Variants in CD44 observed in about 807,000 individuals in gnomAD.
CD44 encodes CD44 antigen.
A neutral mutation model predicts 88.8 loss-of-function variants in CD44; 49 were observed. The ratio of observed to expected loss-of-function variants is 0.55; its 90% CI spans 0.44 to 0.70. The LOEUF is 0.70. Among genes scored for constraint, CD44 ranks in the 30% least tolerant of loss-of-function variants. The probability of loss-of-function intolerance (pLI) is 0.00; values close to 1 mark genes in which losing one functional copy is unlikely to be tolerated. For missense variants in CD44, 883 were observed against 913.8 expected, an observed-to-expected ratio of 0.97 and a Z score of 0.43; for synonymous variants, 325 against 312.3, an observed-to-expected ratio of 1.04 and a Z score of -0.43.
rs938061756 is a variant in CD44 at position 35,204,726 on chromosome 11, A to T, written c.1282+86A>T. 2.5e-4 allele frequency: 307 copies of T among 1,217,244 alleles called. 1 individual carries two copies. Among genetic ancestry groups the T allele is most frequent in the African/African-American group, 1.5e-5 (1 of 65,826 alleles). The allele number at this position is 1,217,244 out of a possible 1,614,324, so 75.4% of individuals were successfully genotyped here. On this transcript the variant is annotated intron_variant, in intron 10 of 17. Coordinates refer to ENST00000428726, the MANE Select transcript of CD44 (RefSeq NM_000610.4). ...CATTGAGGACATTGAACAAAAGGAC[A>T]CTGGAGGAATTGTCACGAGATGTTA...
intron 1 of CD44, among the ~76,000 whole-genome samples, chr11:35,148,096 A>T (rs1565003935): frequency 6.6e-6 from 1 of 152,062 alleles, no homozygotes; most frequent in African/African-American, 2.4e-5. Flanking sequence ...GGTCTCAAAA[A>T]AAAAAAAGGT....
intron 15 of CD44, among the ~76,000 whole-genome samples, chr11:35,218,393 A>G (rs1949012238): frequency 6.6e-6 from 1 of 152,076 alleles, no homozygotes; most frequent in Non-Finnish European, 1.5e-5. Flanking sequence ...CAGAGGCACA[A>G]TCTCAGCTCA....
chr11:35,145,184 T>C (rs1858873363), intron 1 of CD44, among the ~76,000 whole-genome samples: 1 of 152,252 alleles, frequency 6.6e-6, no homozygotes, highest in East Asian at 1.9e-4. Flanking sequence ...TCTCCTGTCT[T>C]CTGCAGCACT....
At chr11:35,174,687 C>G in intron 1 of CD44, among the ~76,000 whole-genome samples, 1 of 152,214 alleles carries the variant, frequency 6.6e-6, no homozygotes, top group East Asian at 1.9e-4. Flanking sequence ...CTTTACCCAA[C>G]TGATAGCAGT....
At chr11:35,156,211 C>A (rs935450573) in intron 1 of CD44, among the ~76,000 whole-genome samples, 1 of 152,144 alleles carries the variant, frequency 6.6e-6, no homozygotes, top group African/African-American at 2.4e-5. Context: ...AGCATCTCAA[C>A]TTTTTAATGA....
At chr11:35,139,417 C>G in intron 1 of CD44, 47 bp downstream of exon 1, 2 of 1,514,210 alleles carry the variant, frequency 1.3e-6, no homozygotes, top group Non-Finnish European at 1.8e-6. Context: ...GCGGGGTGCT[C>G]AGCGCGGACC....
intron 6 of CD44, 93 bp downstream of exon 6, chr11:35,196,967 C>T (rs1946819899): frequency 1.5e-6 from 2 of 1,341,176 alleles, no homozygotes; most frequent in Non-Finnish European, 2.0e-6. Context: ...GCCTAACGTT[C>T]CTTCTATTCT....
intron 1 of CD44, among the ~76,000 whole-genome samples, chr11:35,159,794 C>G (rs1449876709): frequency 6.6e-6 from 1 of 152,164 alleles, no homozygotes; most frequent in Non-Finnish European, 1.5e-5. Flanking sequence ...TATGGTGGGG[C>G]TGGAATTCAA....
Position 35,171,169 on chromosome 11 carries a change from A to G in CD44, c.68-5406A>G, listed in dbSNP as rs547226497. Among the ~76,000 whole-genome samples the G allele has an allele frequency of 3.3e-5, 5 of 152,332 alleles. No homozygotes were observed. In the East Asian group the frequency reaches 9.6e-4, roughly 29 times the overall value. On this transcript the variant is annotated intron_variant, in intron 1 of 17. Coordinates refer to ENST00000428726, the MANE Select transcript of CD44 (RefSeq NM_000610.4). ...GGTAATAATTTGGGTTTGCGTTAGTATCAAGGAAACCTGATGAAATGTCTT... is the reference window on the plus strand; with the variant it reads ...GGTAATAATTTGGGTTTGCGTTAGTGTCAAGGAAACCTGATGAAATGTCTT...
chr11:35,179,377 T>C (rs540794538), intron 2 of CD44, among the ~76,000 whole-genome samples: 3 of 152,298 alleles, frequency 2.0e-5, no homozygotes, highest in Admixed American at 2.0e-4. Context: ...AGGCATTTTA[T>C]ATTCAAAAAA....
In CD44 at chr11:35,198,112, C is replaced by T. The variant is rs773617820; in HGVS notation, c.797-9C>T. ...CCAGCTCAGCCACTAATGCAAGTCA[C>T]CACAACAGGTACGTCTTCAAATACC... is the stretch of plus-strand genomic sequence containing the variant. On this transcript the variant is annotated splice_polypyrimidine_tract_variant and intron_variant, in intron 6 of 17. Transcript: ENST00000428726. 2 of 1,612,556 alleles carry T rather than the reference C, an allele frequency of 1.2e-6. No homozygotes were observed. The highest frequency in any genetic ancestry group is 1.7e-6 in the Non-Finnish European group (2 of 1,178,942).
chr11:35,141,363 T>C (rs1417859774), intron 1 of CD44, among the ~76,000 whole-genome samples: 1 of 152,106 alleles, frequency 6.6e-6, no homozygotes, highest in African/African-American at 2.4e-5. Context: ...TAGGGAAAGT[T>C]CCAAAAGGGA....
At position 35,204,568 on chromosome 11, in the gene CD44, T is replaced by A. The variant is rs759682038; in HGVS notation, c.1210T>A (p.Phe404Ile). 1.9e-6 allele frequency: 3 copies of A among 1,613,384 alleles called. No homozygotes were observed. Among genetic ancestry groups the A allele is most frequent in the Non-Finnish European group, 8.5e-7 (1 of 1,179,484 alleles). ...EETATQKEQW[F>I]GNRWHEGYRQ... ...AACAGCTACCCAGAAGGAACAGTGG[T>A]TTGGCAACAGATGGCATGAGGGATA... Residue 404 changes from phenylalanine to isoleucine, a missense_variant, in exon 10 of 18, where the codon TTT becomes ATT. Coordinates refer to ENST00000428726, the MANE Select transcript of CD44 (RefSeq NM_000610.4).
intron 17 of CD44, 119 bp from the exon 18 acceptor site, chr11:35,229,010 C>T: frequency 1.2e-6 from 1 of 839,028 alleles, no homozygotes. Context: ...CAGTGCTTGG[C>T]ACACACTAAA....
chr11:35,198,353 T>C, intron 7 of CD44, 107 bp downstream of exon 7: 1 of 1,002,256 alleles, frequency 1.0e-6, no homozygotes, highest in East Asian at 2.4e-5. Flanking sequence ...GAAAAATGGG[T>C]GAACCTATGA....
At chr11:35,229,039 G>T in intron 17 of CD44, 90 bp from the exon 18 acceptor site, 2 of 1,066,232 alleles carry the variant, frequency 1.9e-6, no homozygotes, top group South Asian at 2.9e-5. Context: ...AAACCATAGT[G>T]ATCATCAATG....
intron 1 of CD44, among the ~76,000 whole-genome samples, chr11:35,153,728 G>A (rs1484170684): frequency 6.6e-6 from 1 of 152,176 alleles, no homozygotes; most frequent in Non-Finnish European, 1.5e-5. Flanking sequence ...TGAAGGAGAA[G>A]CACTGGATCT....
intron 1 of CD44, among the ~76,000 whole-genome samples, chr11:35,162,250 T>C (rs1489991686): frequency 1.3e-5 from 2 of 152,076 alleles, no homozygotes; most frequent in Non-Finnish European, 2.9e-5. Context: ...GACCCAGTTG[T>C]TCCCACCCTG....
Position 35,180,411 on chromosome 11 carries a change from G to T in CD44, c.367+4G>T, listed in dbSNP as rs200679456. ...ACATATTGCTTCAATGCTTCAGGTT[G>T]GTTCTCAGGGGGGTGTCTGTTGGCG... On this transcript the variant is annotated splice_donor_region_variant and intron_variant, in intron 3 of 17. Transcript: ENST00000428726. 6 of 1,614,024 alleles carry T rather than the reference G, an allele frequency of 3.7e-6. No homozygotes were observed. Among genetic ancestry groups the T allele is most frequent in the African/African-American group, 1.3e-5 (1 of 75,022 alleles).
Sources: gnomAD v4.1 joint callset for allele counts (sites outside exome capture counted in the v4.1 genomes callset) on GRCh38, gnomAD v4.1.1 for gene constraint, MANE v1.5 for transcripts, NCBI Gene and HGNC (gene_info 2026-07-23, HGNC 2026-07-21) for gene names.